RARB: variants seen among roughly 807,000 people sequenced by gnomAD.
RARB encodes retinoic acid receptor beta.
RARB carries 17 observed loss-of-function variants against 51.9 expected under a neutral mutation model. The observed-to-expected ratio is 0.33, with a 90% CI of 0.22 to 0.49. The LOEUF is 0.49. RARB is among the 20% of genes least tolerant of loss of function. The pLI is 0.99. For synonymous variants in RARB, 215 were observed against 195.4 expected (o/e 1.10, Z -0.84); for missense variants, 369 against 550.8 (o/e 0.67, Z 3.30).
At chr3:25,452,701 G>A (rs77091013) in intron 1 of RARB, among the ~76,000 whole-genome samples, 16,831 of 152,048 alleles carry the variant, frequency 0.11, 969 homozygotes, top group African/African-American at 0.14. Flanking sequence ...AACATATTAA[G>A]TCATTTACAT....
intron 5 of RARB, among the ~76,000 whole-genome samples, chr3:25,242,334 C>A (rs1702452250): frequency 6.6e-6 from 1 of 152,108 alleles, no homozygotes; most frequent in South Asian, 2.1e-4. Context: ...GAAATTTTGG[C>A]TTTTGTTGAC....
At chr3:25,160,121 C>A (rs1461203132) in intron 4 of RARB, among the ~76,000 whole-genome samples, 3 of 152,184 alleles carry the variant, frequency 2.0e-5, no homozygotes, top group African/African-American at 7.2e-5. Context: ...AACTGTTTAA[C>A]TGTCTCCATC....
At chr3:25,508,743 C>A (rs947011943) in intron 3 of RARB, among the ~76,000 whole-genome samples, 3 of 152,052 alleles carry the variant, frequency 2.0e-5, no homozygotes, top group Non-Finnish European at 4.4e-5. Context: ...CTGTGGCACA[C>A]AAATCCCTGA....
intron 5 of RARB, chr3:25,324,098 T>A (rs1704645263): frequency 6.6e-6 from 1 of 152,234 alleles, no homozygotes; most frequent in South Asian, 2.1e-4. Context: ...TGTGTACTAT[T>A]GAAGAGCAGG....
chr3:25,583,180 G>C (rs1457868239), intron 5 of RARB, among the ~76,000 whole-genome samples: 1 of 152,196 alleles, frequency 6.6e-6, no homozygotes, highest in Non-Finnish European at 1.5e-5. Context: ...GCAAGAGCTT[G>C]TTTCCAAGAA....
chr3:25,132,636 C>A (rs1047938891), intron 4 of RARB, among the ~76,000 whole-genome samples: 4 of 151,808 alleles, frequency 2.6e-5, no homozygotes, highest in African/African-American at 7.3e-5. Context: ...TCCAAGAATT[C>A]ACAGATATTA....
chr3:25,287,981 T>G (rs765703507), intron 5 of RARB, among the ~76,000 whole-genome samples: 29 of 152,104 alleles, frequency 1.9e-4, no homozygotes, highest in Non-Finnish European at 1.9e-4. Flanking sequence ...AACTTTTCAC[T>G]TATTAGATTT....
chr3:25,205,663 A>G (rs1435544820), intron 5 of RARB, among the ~76,000 whole-genome samples: 1 of 152,156 alleles, frequency 6.6e-6, no homozygotes, highest in Non-Finnish European at 1.5e-5. Flanking sequence ...GTATGCCCAT[A>G]TCAAAATTTC....
intron 5 of RARB, among the ~76,000 whole-genome samples, chr3:25,360,692 A>G (rs570479584): frequency 6.6e-6 from 1 of 152,210 alleles, no homozygotes; most frequent in South Asian, 2.1e-4. Context: ...ATCCCTCAGC[A>G]TTTGCTTGAC....
intron 3 of RARB, among the ~76,000 whole-genome samples, chr3:25,112,078 C>G (rs746273185): frequency 1.3e-5 from 2 of 151,996 alleles, no homozygotes; most frequent in Non-Finnish European, 1.5e-5. Flanking sequence ...GGCAGCTGTT[C>G]GGTGTTTTGA....
In RARB at chr3:25,407,221, A is replaced by G. The variant is rs114762574; in HGVS notation, c.179-53972A>G. Among the ~76,000 whole-genome samples the G allele has an allele frequency of 5.0e-3, 759 of 152,334 alleles. 6 individuals are homozygous for G. Among genetic ancestry groups the G allele is most frequent in the African/African-American group, 0.017 (726 of 41,570 alleles). ...CCTCAACAGAACCTAACTTCCTGAT[A>G]GCTTCTGTAGACGTCACTACAAACA... On this transcript the variant is annotated intron_variant, in intron 5 of 11. Transcript: ENST00000383772.
chr3:25,341,029 T>C (rs1397210470), intron 5 of RARB, among the ~76,000 whole-genome samples: 2 of 152,172 alleles, frequency 1.3e-5, no homozygotes, highest in Admixed American at 1.3e-4. Flanking sequence ...TGTCTTTGCC[T>C]CTCAATCTGT....
At chr3:25,176,446 A>G (rs1700755430) in intron 5 of RARB, among the ~76,000 whole-genome samples, 1 of 149,198 alleles carries the variant, frequency 6.7e-6, no homozygotes, top group Non-Finnish European at 1.5e-5. Flanking sequence ...GCCGGGCCAG[A>G]GTGCAGTGGT....
intron 2 of RARB, among the ~76,000 whole-genome samples, chr3:24,890,203 G>T (rs1045602313): frequency 6.6e-6 from 1 of 152,138 alleles, no homozygotes; most frequent in African/African-American, 2.4e-5. Context: ...TGCCTTGCTG[G>T]TGCTGTCTGT....
At chr3:25,176,346 C>T (rs36138884) in intron 5 of RARB, among the ~76,000 whole-genome samples, 11,074 of 45,702 alleles carry the variant, frequency 0.24, 1,636 homozygotes, top group African/African-American at 0.31. Context: ...TCCTTCCTTC[C>T]TTCCTTCCTT....
chr3:25,156,781 A>G (rs2125344052), intron 4 of RARB, among the ~76,000 whole-genome samples: 1 of 152,248 alleles, frequency 6.6e-6, no homozygotes, highest in South Asian at 2.1e-4. Flanking sequence ...TTCCCTCCTG[A>G]AAGAGTTTAA....
At chr3:25,420,165 G>C (rs574379148) in intron 5 of RARB, among the ~76,000 whole-genome samples, 1 of 152,158 alleles carries the variant, frequency 6.6e-6, no homozygotes, top group African/African-American at 2.4e-5. Flanking sequence ...AATTTCACAG[G>C]GATTTCTATC....
chr3:25,418,623 AT>A (rs1707772352), intron 5 of RARB, among the ~76,000 whole-genome samples: 1 of 151,618 alleles, frequency 6.6e-6, no homozygotes, highest in South Asian at 2.1e-4. Context: ...AAAAAAAAAA[AT>A]GACACTTGTT....
intron 5 of RARB, among the ~76,000 whole-genome samples, chr3:25,178,891 T>C (rs1700808582): frequency 6.6e-6 from 1 of 152,214 alleles, no homozygotes; most frequent in Non-Finnish European, 1.5e-5. Context: ...TTATGTTCCT[T>C]TCATGGCTGC....
Sources: allele counts gnomAD v4.1 joint callset (sites outside exome capture counted in the v4.1 genomes callset), GRCh38; gene constraint gnomAD v4.1.1; transcripts MANE v1.5; gene names NCBI Gene and HGNC (gene_info 2026-07-23, HGNC 2026-07-21).